Variants in ADGRE1 observed in about 807,000 individuals in gnomAD.
ADGRE1 encodes the protein EGF-like module receptor 1.
ADGRE1 carries 82 observed loss-of-function variants against 102.7 expected under a neutral mutation model. The observed-to-expected ratio is 0.80, with a 90% CI of 0.67 to 0.96. The LOEUF (loss-of-function observed/expected upper bound fraction) is 0.96. ADGRE1 is among the 40% of genes least tolerant of loss of function. ADGRE1 has a pLI of 0.00. For missense variants in ADGRE1, 1,032 were observed against 1,085.3 expected (o/e 0.95, Z 0.69); for synonymous variants, 398 against 399.6 (o/e 1.00, Z 0.05).
At chr19:6,907,942 G>A (rs550120196) in intron 9 of ADGRE1, among the ~76,000 whole-genome samples, 9 of 152,090 alleles carry the variant, frequency 5.9e-5, no homozygotes, top group Non-Finnish European at 1.3e-4. Flanking sequence ...CACTGGTTGG[G>A]AACAGGCCCC....
chr19:6,901,555 A>G (rs764351063), intron 5 of ADGRE1, among the ~76,000 whole-genome samples: 21 of 152,228 alleles, frequency 1.4e-4, no homozygotes, highest in Non-Finnish European at 3.1e-4. Flanking sequence ...CTTACAATCT[A>G]CATCTTGGGG....
chr19:6,926,467 C>T lies in ADGRE1; in HGVS notation c.2088C>T (p.Asn696=), dbSNP rs1416354563. The T allele has an allele frequency of 8.1e-6, 13 of 1,614,102 alleles. No individual in the cohort carries two copies. In the East Asian group the frequency reaches 1.6e-4, roughly 19 times the overall value. The change falls in exon 16 of 21, where the codon AAC becomes AAT. Residue 696 remains asparagine, a synonymous_variant. Coordinates refer to ENST00000312053, the MANE Select transcript of ADGRE1 (RefSeq NM_001974.5). ...TGATACTGTTCTTGATGGTCAGAAA[C>T]CTGAAGGTGGTGAATTACTTCAGCT... is the stretch of plus-strand genomic sequence containing the variant. ...EAVILFLMVR[N]LKVVNYFSSR... is the part of the protein sequence containing the mutation.
chr19:6,926,580 AG>A lies in ADGRE1; in HGVS notation c.2204del (p.Gly735AlafsTer10), dbSNP rs1352112189. 1.2e-6 allele frequency: 2 copies of A among 1,614,220 alleles called. No homozygotes were observed. Among genetic ancestry groups the A allele is most frequent in the South Asian group, 2.2e-5 (2 of 91,080 alleles). On this transcript the variant is annotated frameshift_variant, in exon 16 of 21. Transcript: ENST00000312053. LOFTEE classifies it high-confidence loss of function. ...GTGATCTCTGCCAGTGTGCAGCCAC[AG>A]GGCTATGGAATGCATAATCGGTGAG... is the stretch of plus-strand genomic sequence containing the variant. ...VVVISASVQPQGYGMHNRCWL... is the reference protein window; with the variant it reads ...VVVISASVQPXGYGMHNRCWL...
At chr19:6,890,421 G>GTTTTT (rs57355800) in intron 1 of ADGRE1, 60 bp from the exon 2 acceptor site, 338 of 450,644 alleles carry the variant, frequency 7.5e-4, no homozygotes, top group South Asian at 2.3e-3. Context: ...AGCCCAAAAG[G>GTTTTT]TTTTTTTTTT....
intron 11 of ADGRE1, 94 bp downstream of exon 11, chr19:6,913,924 C>A: frequency 7.6e-7 from 1 of 1,318,112 alleles, no homozygotes; most frequent in Non-Finnish European, 1.0e-6. Flanking sequence ...CCCACCCATT[C>A]TTTCCCCAAC....
At position 6,937,591 on chromosome 19, in the gene ADGRE1, C is replaced by T. The variant is rs544560655; in HGVS notation, c.2598C>T (p.Ser866=). ...KRWITGKTKP[S]SQSQTSRILL... is the part of the protein sequence containing the mutation. ...GGATCACTGGGAAGACGAAGCCCAG[C>T]TCCCAGTCCCAGACCTCAAGGATCT... is the stretch of plus-strand genomic sequence containing the variant. Residue 866 remains serine (S), a synonymous_variant, in exon 20 of 21, where the codon AGC becomes AGT. Coordinates refer to ENST00000312053, the MANE Select transcript of ADGRE1 (RefSeq NM_001974.5). The T allele has an allele frequency of 6.2e-7, 1 of 1,614,128 alleles. No homozygotes were observed. Among genetic ancestry groups the T allele is most frequent in the Non-Finnish European group, 8.5e-7 (1 of 1,180,014 alleles).
chr19:6,900,880 T>C (rs1485547195), intron 5 of ADGRE1, among the ~76,000 whole-genome samples: 1 of 152,218 alleles, frequency 6.6e-6, no homozygotes, highest in African/African-American at 2.4e-5. Flanking sequence ...AACCACCATA[T>C]ATTTAGCGCT....
intron 15 of ADGRE1, among the ~76,000 whole-genome samples, chr19:6,925,643 A>G (rs1255695524): frequency 6.6e-6 from 1 of 152,046 alleles, no homozygotes; most frequent in Non-Finnish European, 1.5e-5. Flanking sequence ...AGATGTCGAT[A>G]ATGCTACAGT....
chr19:6,931,875 G>T (rs1202259245), intron 17 of ADGRE1, among the ~76,000 whole-genome samples: 1 of 151,854 alleles, frequency 6.6e-6, no homozygotes, highest in Non-Finnish European at 1.5e-5. Context: ...ATCTTAACTT[G>T]ATTATTTCTG....
chr19:6,934,174 T>A (rs1020057223), intron 17 of ADGRE1, among the ~76,000 whole-genome samples: 1 of 152,074 alleles, frequency 6.6e-6, no homozygotes, highest in Non-Finnish European at 1.5e-5. Context: ...AAGTCCTGCT[T>A]GGAGGCTGTT....
At chr19:6,890,864 C>G (rs1000831678) in intron 2 of ADGRE1, among the ~76,000 whole-genome samples, 2 of 151,996 alleles carry the variant, frequency 1.3e-5, no homozygotes, top group Non-Finnish European at 2.9e-5. Context: ...GTAGTATGAG[C>G]TTTATAAATG....
chr19:6,912,716 T>A (rs1377371709), intron 10 of ADGRE1, among the ~76,000 whole-genome samples: 1 of 152,224 alleles, frequency 6.6e-6, no homozygotes, highest in East Asian at 1.9e-4. Flanking sequence ...TTTGATTTCA[T>A]CTTCATTTAT....
At chr19:6,904,699 T>C (rs4807106) in intron 8 of ADGRE1, among the ~76,000 whole-genome samples, 2 of 151,598 alleles carry the variant, frequency 1.3e-5, no homozygotes, top group Admixed American at 6.6e-5. Flanking sequence ...GTAGAGACGG[T>C]GTTTCACCAT....
intron 2 of ADGRE1, among the ~76,000 whole-genome samples, chr19:6,890,749 C>G (rs1320184110): frequency 1.3e-5 from 2 of 152,272 alleles, no homozygotes; most frequent in Middle Eastern, 3.4e-3. Flanking sequence ...AGATAAGTCA[C>G]ATAACCTCTC....
intron 17 of ADGRE1, among the ~76,000 whole-genome samples, chr19:6,932,184 C>T (rs1351401309): frequency 6.6e-6 from 1 of 151,996 alleles, no homozygotes; most frequent in South Asian, 2.1e-4. Flanking sequence ...AAATAAAATT[C>T]TGGGCCGGGC....
At position 6,904,192 on chromosome 19, in the gene ADGRE1, T is replaced by C. The variant is rs574312755; in HGVS notation, c.949+10T>C. The C allele has an allele frequency of 1.1e-5, 17 of 1,612,090 alleles. 1 individual carries two copies. In the African/African-American group the frequency reaches 1.3e-4, roughly 13 times the overall value. On this transcript the variant is annotated intron_variant, in intron 8 of 20. Transcript: ENST00000312053. ...AACTTCAGCTGCCAAAGTAATAATC[T>C]CTTTGTATGTCTTGGCAATGGAATC...
Position 6,921,780 on chromosome 19 carries a change from C to T in ADGRE1, c.1688C>T (p.Thr563Ile). 6.2e-7 allele frequency: 1 copy of T among 1,613,986 alleles called. No homozygotes were observed. Among genetic ancestry groups the T allele is most frequent in the South Asian group, 1.1e-5 (1 of 91,072 alleles). ...ACTGATGTGAAGGGTGGAAGATGGA[C>T]ATCCTTTGGCTGTGTGATCCTGGAA... is the stretch of plus-strand genomic sequence containing the variant. ...WSTDVKGGRW[T>I]SFGCVILEAS... Residue 563 changes from threonine (T) to isoleucine (I), a missense_variant, in exon 14 of 21, where the codon ACA (threonine) becomes ATA (isoleucine). Coordinates refer to ENST00000312053, the MANE Select transcript of ADGRE1 (RefSeq NM_001974.5).
chr19:6,932,737 C>A (rs1317869740), intron 17 of ADGRE1, among the ~76,000 whole-genome samples: 1 of 152,164 alleles, frequency 6.6e-6, no homozygotes, highest in Non-Finnish European at 1.5e-5. Context: ...CTTTTTCCTG[C>A]CTGCTCGGCC....
At chr19:6,898,351 T>G (rs1973646452) in intron 5 of ADGRE1, 1 of 1,598,166 alleles carries the variant, frequency 6.3e-7, no homozygotes, top group African/African-American at 1.3e-5. Context: ...TGGTCCTAAT[T>G]CATCCTGCAA....
Sources: gnomAD v4.1 joint callset for allele counts (sites outside exome capture counted in the v4.1 genomes callset) on GRCh38, gnomAD v4.1.1 for gene constraint, MANE v1.5 for transcripts, NCBI Gene and HGNC (gene_info 2026-07-23, HGNC 2026-07-21) for gene names.